Variants in MED14 observed in about 807,000 individuals in gnomAD.
The protein encoded by MED14 is mediator complex subunit 14, also known as mediator of RNA polymerase II transcription subunit 14.
A neutral mutation model predicts 109.0 loss-of-function variants in MED14; 8 were observed. That is an observed-to-expected ratio of 0.07 (90% CI 0.04 to 0.13). MED14 has a LOEUF of 0.13. Among genes scored for constraint, MED14 ranks in the 10% least tolerant of loss-of-function variants. MED14 has a pLI of 1.00. For missense variants in MED14, 711 were observed against 1,142.4 expected, an observed-to-expected ratio of 0.62 and a Z score of 5.44; for synonymous variants, 399 against 408.7, an observed-to-expected ratio of 0.98 and a Z score of 0.29.
At chrX:40,714,008 G>A in intron 4 of MED14, 101 bp from the exon 5 acceptor site, 1 of 855,984 alleles carries the variant, frequency 1.2e-6, no homozygotes, top group Non-Finnish European at 1.6e-6. Context: ...TTACCTAAGA[G>A]AATCTTAACA....
intron 16 of MED14, among the ~76,000 whole-genome samples, chrX:40,685,927 T>C (rs1369486270): frequency 8.9e-6 from 1 of 112,183 alleles, no homozygotes; most frequent in Non-Finnish European, 1.9e-5. Flanking sequence ...AATATTAATA[T>C]ATCCAGAACT....
chrX:40,707,460 G>A (rs945946466), intron 10 of MED14, among the ~76,000 whole-genome samples: 1 of 111,347 alleles, frequency 9.0e-6, no homozygotes, highest in Non-Finnish European at 1.9e-5. Flanking sequence ...GAAAACTTAC[G>A]TCCACATAAA....
At chrX:40,722,716 C>T (rs779219074) in intron 3 of MED14, among the ~76,000 whole-genome samples, 1 of 111,554 alleles carries the variant, frequency 9.0e-6, no homozygotes, top group East Asian at 2.8e-4. Context: ...ATCCTAAAAG[C>T]AGCAAGAGAA....
chrX:40,650,620 A>G lies in MED14; in HGVS notation c.*1186T>C. 1 of 754,180 alleles carries G rather than the reference A, an allele frequency of 1.3e-6. No individual in the cohort carries two copies. The highest frequency in any genetic ancestry group is 1.6e-6 in the Non-Finnish European group (1 of 639,266). 62.2% of individuals were successfully genotyped at this position (754,180 alleles called of 1,213,427 possible). A position where few individuals can be genotyped will look rare whatever the true frequency, so the allele number is the denominator to read the frequency against. ...AGGAAAGACAGCACAGTGCTCCAAAAAGAAACCCTGCAGAGATGTATTAAT... is the reference window on the plus strand; with the variant it reads ...AGGAAAGACAGCACAGTGCTCCAAAGAGAAACCCTGCAGAGATGTATTAAT... On this transcript the variant is annotated 3_prime_UTR_variant, in exon 31 of 31. Coordinates refer to ENST00000324817, the MANE Select transcript of MED14 (RefSeq NM_004229.4).
At position 40,675,249 on chromosome X, in the gene MED14, G is replaced by A. The variant is rs1195581621; in HGVS notation, c.2993C>T (p.Ser998Leu). The A allele has an allele frequency of 6.7e-6, 8 of 1,188,149 alleles. No individual in the cohort carries two copies. In the African/African-American group the frequency reaches 8.9e-5, roughly 13 times the overall value. The change falls in exon 22 of 31, where the codon TCG becomes TTG. Residue 998 changes from serine to leucine, a missense_variant. Physicochemically the swap from Ser to Leu is moderately radical, Grantham distance 145. Transcript: ENST00000324817. ...IGGDMMDSLISQLQPPPQQQP... is the reference protein window; with the variant it reads ...IGGDMMDSLILQLQPPPQQQP... ...TTGCTGGGGTGGTGGCTGGAGCTGC[G>A]ATATTAAAGAATCCATCATATCTCC...
intron 9 of MED14, 149 bp downstream of exon 9, chrX:40,709,830 T>G: frequency 5.7e-6 from 2 of 353,676 alleles, no homozygotes; most frequent in Non-Finnish European, 9.8e-6. Flanking sequence ...AAAAAACAAA[T>G]GTAAGAAGTG....
chrX:40,656,152 T>C (rs1281366287), intron 28 of MED14, among the ~76,000 whole-genome samples: 3 of 110,689 alleles, frequency 2.7e-5, no homozygotes, highest in East Asian at 2.8e-4. Context: ...AAAAAAACTT[T>C]GGGAGGATTA....
At chrX:40,735,147 G>C (rs1473129391) in intron 1 of MED14, 51 bp downstream of exon 1, 4 of 943,728 alleles carry the variant, frequency 4.2e-6, no homozygotes, top group Non-Finnish European at 5.6e-6. Flanking sequence ...GTCTCAGCCG[G>C]TTGGGCGGGA....
rs768200836 is a variant in MED14 at position 40,663,658 on chromosome X, TGAAA to T, written c.3449-502_3449-499del. ...CATGAGTGAGCTGCCCAGCAGAGTCTGAAAGAATCACTCAGCTGTGCTTAGTCTA... is the reference window on the plus strand; with the variant it reads ...CATGAGTGAGCTGCCCAGCAGAGTCTGAATCACTCAGCTGTGCTTAGTCTA... On this transcript the variant is annotated intron_variant, in intron 25 of 30. Transcript: ENST00000324817. Among the ~76,000 whole-genome samples, 3 of 112,509 alleles carry T rather than the reference TGAAA, an allele frequency of 2.7e-5. No homozygotes were observed. The East Asian group carries it at 8.3e-4, about 31-fold the overall frequency.
rs187297346 is a variant in MED14 at position 40,653,280 on chromosome X, A to G, written c.4291+1084T>C. Among the ~76,000 whole-genome samples, 62 of 111,813 alleles carry G rather than the reference A, an allele frequency of 5.5e-4. 1 individual carries two copies. The East Asian group carries it at 0.012, about 22-fold the overall frequency. On this transcript the variant is annotated intron_variant, in intron 30 of 30. Transcript: ENST00000324817. ...TTCTTGAGGACCTATTTTTAGCTGA[A>G]AGAAGAGAGAAGTCAAAGGATGAAA...
chrX:40,665,935 C>T (rs931088366), intron 24 of MED14, among the ~76,000 whole-genome samples: 4 of 112,106 alleles, frequency 3.6e-5, no homozygotes, highest in African/African-American at 9.7e-5. Flanking sequence ...CCCAGACAAG[C>T]GGATATTATT....
At chrX:40,666,033 C>A (rs1407982097) in intron 24 of MED14, among the ~76,000 whole-genome samples, 2 of 112,043 alleles carry the variant, frequency 1.8e-5, no homozygotes, top group Non-Finnish European at 3.8e-5. Context: ...CCAGATGCTA[C>A]ACAGCTTAAA....
intron 5 of MED14, among the ~76,000 whole-genome samples, chrX:40,713,562 C>A (rs190199858): frequency 8.9e-6 from 1 of 112,025 alleles, no homozygotes; most frequent in Non-Finnish European, 1.9e-5. Context: ...CATGCCTCAG[C>A]CACCCGAATA....
intron 15 of MED14, 81 bp downstream of exon 15, chrX:40,692,102 G>T: frequency 2.2e-6 from 2 of 912,418 alleles, no homozygotes; most frequent in Non-Finnish European, 3.0e-6. Flanking sequence ...TTTCCTAATG[G>T]AATCTATATA....
intron 30 of MED14, among the ~76,000 whole-genome samples, 195 bp from the exon 31 acceptor site, chrX:40,652,074 T>C (rs1928899913): frequency 8.9e-6 from 1 of 112,430 alleles, no homozygotes; most frequent in African/African-American, 3.2e-5. Context: ...TTGGATTTTT[T>C]TTCTCAGGAG....
chrX:40,650,406 C>T lies in MED14; in HGVS notation c.*1400G>A, dbSNP rs868405000. 3 of 751,375 alleles carry T rather than the reference C, an allele frequency of 4.0e-6. No individual in the cohort carries two copies. The highest frequency in any genetic ancestry group is 3.1e-6 in the Non-Finnish European group (2 of 637,652). The allele number at this position is 751,375 out of a possible 1,213,427, so 61.9% of individuals were successfully genotyped here. A position where few individuals can be genotyped will look rare whatever the true frequency, so the allele number is the denominator to read the frequency against. On this transcript the variant is annotated 3_prime_UTR_variant, in exon 31 of 31. Coordinates refer to ENST00000324817, the MANE Select transcript of MED14 (RefSeq NM_004229.4). ...ATTTGATAGTTGATAGTTATAGAAG[C>T]TCAATTAAATCATCTTGAAGTGGAA... is the stretch of plus-strand genomic sequence containing the variant.
chrX:40,698,653 T>G (rs1930810035), intron 12 of MED14, among the ~76,000 whole-genome samples: 1 of 112,299 alleles, frequency 8.9e-6, no homozygotes, highest in African/African-American at 3.2e-5. Flanking sequence ...AGTAATCACA[T>G]GAACAAATAG....
At chrX:40,666,487 G>A (rs963748551) in intron 24 of MED14, among the ~76,000 whole-genome samples, 4 of 110,572 alleles carry the variant, frequency 3.6e-5, no homozygotes, top group Non-Finnish European at 5.7e-5. Flanking sequence ...GTGACAGGAA[G>A]GGCAAGGCAG....
At chrX:40,735,109 A>G in intron 1 of MED14, 89 bp downstream of exon 1, 3 of 647,687 alleles carry the variant, frequency 4.6e-6, no homozygotes, top group Non-Finnish European at 6.6e-6. Context: ...AGAACACAGC[A>G]GCCTCTCGGG....
Sources: allele counts gnomAD v4.1 joint callset (sites outside exome capture counted in the v4.1 genomes callset), GRCh38; gene constraint gnomAD v4.1.1; transcripts MANE v1.5; gene names NCBI Gene and HGNC (gene_info 2026-07-23, HGNC 2026-07-21).